Variants in RARS1 observed in about 807,000 individuals in gnomAD.
RARS1 encodes the protein arginyl-tRNA synthetase 1.
A neutral mutation model predicts 78.7 loss-of-function variants in RARS1; 75 were observed. The ratio of observed to expected loss-of-function variants is 0.95; its 90% CI spans 0.79 to 1.15. RARS1 has a LOEUF of 1.15. Ranked by LOEUF, RARS1 falls within the 50% of genes most tolerant of loss-of-function variation. The probability of loss-of-function intolerance (pLI) is 0.00; values close to 1 mark genes in which losing one functional copy is unlikely to be tolerated. For missense variants in RARS1, 787 were observed against 787.5 expected, an observed-to-expected ratio of 1.00 and a Z score of 0.01; for synonymous variants, 273 against 268.2, an observed-to-expected ratio of 1.02 and a Z score of -0.18.
rs540538155 is a variant in RARS1 at position 168,512,495 on chromosome 5, T to C, written c.1452+1809T>C. On this transcript the variant is annotated intron_variant, in intron 12 of 14. Coordinates refer to ENST00000231572, the MANE Select transcript of RARS1 (RefSeq NM_002887.4). ...ACCCACATTGGTGTATTAGTCAGGG[T>C]TCTCTAGAGGGACAGAACTAATAGG... 2.6e-5 allele frequency among the ~76,000 whole-genome samples: 4 copies of C among 152,216 alleles called. No individual in the cohort carries two copies. In the South Asian group the frequency reaches 8.3e-4, roughly 32 times the overall value.
intron 2 of RARS1, among the ~76,000 whole-genome samples, chr5:168,492,117 A>G (rs1415522220): frequency 6.6e-6 from 1 of 152,164 alleles, no homozygotes; most frequent in African/African-American, 2.4e-5. Flanking sequence ...AGAGATAATT[A>G]TATGCCATCT....
intron 7 of RARS1, among the ~76,000 whole-genome samples, chr5:168,498,223 C>T (rs1317179078): frequency 1.3e-5 from 2 of 151,388 alleles, no homozygotes; most frequent in Non-Finnish European, 2.9e-5. Context: ...AGAGCAAGAC[C>T]TTATCTTAAA....
intron 3 of RARS1, 58 bp from the exon 4 acceptor site, chr5:168,493,836 T>C: frequency 7.2e-7 from 1 of 1,394,476 alleles, no homozygotes; most frequent in Non-Finnish European, 1.0e-6. Flanking sequence ...CAGGTGTGCA[T>C]TTGCGAGTAA....
chr5:168,513,082 G>T lies in RARS1; in HGVS notation c.1452+2396G>T, dbSNP rs543712703. Reference sequence around the variant, plus strand: ...TTTTTTTGAGACAGAGTCTCGCTCTGTTGCCCAGGCTGGAGTGCAGTGGCA... The same window carrying T: ...TTTTTTTGAGACAGAGTCTCGCTCTTTTGCCCAGGCTGGAGTGCAGTGGCA... On this transcript the variant is annotated intron_variant, in intron 12 of 14. Coordinates refer to ENST00000231572, the MANE Select transcript of RARS1 (RefSeq NM_002887.4). Among the ~76,000 whole-genome samples, 3 of 147,890 alleles carry T rather than the reference G, an allele frequency of 2.0e-5. No individual in the cohort carries two copies. The South Asian group carries it at 6.4e-4, about 32-fold the overall frequency.
At chr5:168,495,903 C>A (rs1355002134) in intron 6 of RARS1, among the ~76,000 whole-genome samples, 5 of 152,146 alleles carry the variant, frequency 3.3e-5, no homozygotes. Flanking sequence ...AATTCCAGCA[C>A]TTTGGTAGGC....
Position 168,500,703 on chromosome 5 carries a change from G to A in RARS1, c.935G>A (p.Cys312Tyr), listed in dbSNP as rs770079240. Residue 312 changes from cysteine (C) to tyrosine (Y), a missense_variant, in exon 8 of 15, where the codon TGT becomes TAT. Cys to Tyr is a radical substitution (Grantham distance 194). Coordinates refer to ENST00000231572, the MANE Select transcript of RARS1 (RefSeq NM_002887.4). Reference sequence around the variant, plus strand: ...ATTACAAAAGCTTGGAAGCTTATCTGTGATGTCTCCCGCCAAGGTGAGTTT... The same window carrying A: ...ATTACAAAAGCTTGGAAGCTTATCTATGATGTCTCCCGCCAAGGTGAGTTT... ...PDITKAWKLI[C>Y]DVSRQELNKI... 6.2e-7 allele frequency: 1 copy of A among 1,611,328 alleles called. No homozygotes were observed. The highest frequency in any genetic ancestry group is 1.7e-5 in the Admixed American group (1 of 59,048).
chr5:168,492,573 A>G lies in RARS1; in HGVS notation c.181-86A>G. On this transcript the variant is annotated intron_variant, in intron 2 of 14. Coordinates refer to ENST00000231572, the MANE Select transcript of RARS1 (RefSeq NM_002887.4). ...CCCTTTTGGTTCTTAAGATATTTGG[A>G]GGTTTATACTCAAAATATTTGGAGA... The G allele has an allele frequency of 2.6e-6, 3 of 1,146,270 alleles. No individual in the cohort carries two copies. In the East Asian group the frequency reaches 7.1e-5, roughly 27 times the overall value. The allele number at this position is 1,146,270 out of a possible 1,614,324, so 71.0% of individuals were successfully genotyped here.
At chr5:168,493,038 G>T in intron 3 of RARS1, 191 bp downstream of exon 3, 2 of 513,708 alleles carry the variant, frequency 3.9e-6, no homozygotes, top group Non-Finnish European at 3.4e-6. Context: ...TTTAAGGTTT[G>T]GTTAAATTTT....
chr5:168,509,589 G>A (rs986316559), intron 11 of RARS1, among the ~76,000 whole-genome samples: 5 of 151,728 alleles, frequency 3.3e-5, no homozygotes, highest in East Asian at 1.9e-4. Context: ...TGCCATATCC[G>A]TAGTGATTCT....
At chr5:168,502,799 T>G (rs1267091967) in intron 9 of RARS1, among the ~76,000 whole-genome samples, 1 of 152,134 alleles carries the variant, frequency 6.6e-6, no homozygotes, top group Non-Finnish European at 1.5e-5. Flanking sequence ...CTTGAACTCC[T>G]GACCTCAAGT....
rs753335612 is a variant in RARS1, at chr5:168,519,118, A to G, written c.1911A>G (p.Leu637=). The G allele has an allele frequency of 4.0e-5, 65 of 1,613,982 alleles. No homozygotes were observed. The highest frequency in any genetic ancestry group is 6.7e-5 in the Admixed American group (4 of 59,986). Residue 637 remains leucine (L), a synonymous_variant, in exon 15 of 15, where the codon CTA becomes CTG. Coordinates refer to ENST00000231572, the MANE Select transcript of RARS1 (RefSeq NM_002887.4). ...ILKVNMWRML[L]CEAVAAVMAK... ...AGGTGAACATGTGGCGTATGCTGCT[A>G]TGTGAAGCAGTAGCTGCTGTCATGG... is the stretch of plus-strand genomic sequence containing the variant.
intron 8 of RARS1, among the ~76,000 whole-genome samples, chr5:168,500,970 C>T (rs1325533294): frequency 6.6e-6 from 1 of 151,990 alleles, no homozygotes; most frequent in Non-Finnish European, 1.5e-5. Flanking sequence ...AAAAAGAAAT[C>T]TTATTCACAG....
At chr5:168,517,165 C>T (rs538232450) in intron 13 of RARS1, among the ~76,000 whole-genome samples, 11 of 151,934 alleles carry the variant, frequency 7.2e-5, no homozygotes, top group East Asian at 1.9e-4. Context: ...ATTTTTGAGA[C>T]GGAGTCTCAC....
chr5:168,503,974 A>G (rs890344989), intron 9 of RARS1, among the ~76,000 whole-genome samples: 2 of 150,914 alleles, frequency 1.3e-5, no homozygotes, highest in African/African-American at 2.4e-5. Flanking sequence ...AGTTCTAGCT[A>G]TGCTTGAGCC....
At chr5:168,499,483 C>T (rs1201518626) in intron 7 of RARS1, among the ~76,000 whole-genome samples, 1 of 152,008 alleles carries the variant, frequency 6.6e-6, no homozygotes, top group African/African-American at 2.4e-5. Context: ...AATAGGATTC[C>T]TGTATTAAAA....
chr5:168,500,627 A>T lies in RARS1; in HGVS notation c.859A>T (p.Lys287Ter). ...GAGGTTTGATACTGAGGAGGAATTT[A>T]AGAAGCGAGCATATCAGTGTGTAGT... The part of the protein sequence containing the change: ...KKRFDTEEEF[K>*]KRAYQCVVLL... The change falls in exon 8 of 15, where the codon AAG (lysine) becomes TAG (stop). Residue 287 changes from lysine (K) to a stop codon, truncating the protein, a stop_gained. Coordinates refer to ENST00000231572, the MANE Select transcript of RARS1 (RefSeq NM_002887.4). LOFTEE classifies it high-confidence loss of function. 1 of 1,598,430 alleles carries T rather than the reference A, an allele frequency of 6.3e-7. No individual in the cohort carries two copies. Among genetic ancestry groups the T allele is most frequent in the Non-Finnish European group, 8.5e-7 (1 of 1,174,724 alleles).
intron 5 of RARS1, 68 bp downstream of exon 5, chr5:168,494,718 G>A: frequency 5.4e-6 from 6 of 1,115,548 alleles, no homozygotes; most frequent in Non-Finnish European, 5.4e-6. Context: ...ATGGTGGTAT[G>A]TGCCTATAGT....
At chr5:168,507,951 C>T (rs780333094) in intron 11 of RARS1, among the ~76,000 whole-genome samples, 2 of 151,236 alleles carry the variant, frequency 1.3e-5, no homozygotes, top group African/African-American at 2.4e-5. Flanking sequence ...ACTTGAGCAT[C>T]GACGTGGAAG....
At chr5:168,492,268 G>A (rs1758102404) in intron 2 of RARS1, among the ~76,000 whole-genome samples, 1 of 152,112 alleles carries the variant, frequency 6.6e-6, no homozygotes, top group Admixed American at 6.6e-5. Flanking sequence ...CATTTTGATG[G>A]ACATCATGTA....
Sources: allele counts gnomAD v4.1 joint callset (sites outside exome capture counted in the v4.1 genomes callset), GRCh38; gene constraint gnomAD v4.1.1; transcripts MANE v1.5; gene names NCBI Gene and HGNC (gene_info 2026-07-23, HGNC 2026-07-21).